Variants in PINX1 observed in about 807,000 individuals in gnomAD.
PINX1 encodes PIN2 (TERF1) interacting telomerase inhibitor 1, also known as PIN2/TERF1-interacting telomerase inhibitor 1.
PINX1 carries 34 observed loss-of-function variants against 25.4 expected under a neutral mutation model. That is an observed-to-expected ratio of 1.34 (90% CI 1.02 to 1.78). The LOEUF is 1.78. Ranked by LOEUF, PINX1 falls within the 40% of genes most tolerant of loss-of-function variation. The probability of loss-of-function intolerance (pLI) is 0.00; values close to 1 mark genes in which losing one functional copy is unlikely to be tolerated. For missense variants in PINX1, 592 were observed against 404.9 expected (o/e 1.46, Z -3.97); for synonymous variants, 197 against 147.7 (o/e 1.33, Z -2.42).
intron 4 of PINX1, among the ~76,000 whole-genome samples, chr8:10,828,677 G>C (rs1586206043): frequency 6.6e-6 from 1 of 152,176 alleles, no homozygotes; most frequent in African/African-American, 2.4e-5. Context: ...GCCAGGCCTT[G>C]AGGAATCACT....
At chr8:10,787,960 G>A (rs112974475) in intron 6 of PINX1, 1 of 366,074 alleles carries the variant, frequency 2.7e-6, no homozygotes. Flanking sequence ...TTAGACAACT[G>A]GGGAAACTTG....
intron 6 of PINX1, among the ~76,000 whole-genome samples, chr8:10,775,005 A>G (rs1433563253): frequency 1.3e-5 from 2 of 152,194 alleles, no homozygotes; most frequent in East Asian, 1.9e-4. Flanking sequence ...TATTTTTAGC[A>G]TAGACAAAAA....
At chr8:10,792,466 C>T (rs1031616826) in intron 6 of PINX1, among the ~76,000 whole-genome samples, 15 of 152,096 alleles carry the variant, frequency 9.9e-5, no homozygotes, top group Admixed American at 5.2e-4. Context: ...TCCCCCGTGA[C>T]GCTGTGCGCT....
intron 6 of PINX1, among the ~76,000 whole-genome samples, chr8:10,776,055 A>T (rs1437026719): frequency 6.6e-6 from 1 of 152,178 alleles, no homozygotes; most frequent in African/African-American, 2.4e-5. Context: ...AAGGTCCATC[A>T]CAATTCTAGC....
chr8:10,818,335 A>T (rs1288891044), intron 6 of PINX1, among the ~76,000 whole-genome samples: 1 of 152,222 alleles, frequency 6.6e-6, no homozygotes, highest in African/African-American at 2.4e-5. Flanking sequence ...TCTCACTTTA[A>T]CATGACTTAG....
chr8:10,830,361 G>C (rs912941890), intron 4 of PINX1, among the ~76,000 whole-genome samples: 1 of 152,146 alleles, frequency 6.6e-6, no homozygotes, highest in South Asian at 2.1e-4. Context: ...CCTTCCTATG[G>C]TTAGATGTGT....
chr8:10,809,283 A>C (rs1020447865), intron 6 of PINX1, among the ~76,000 whole-genome samples: 5 of 152,236 alleles, frequency 3.3e-5, no homozygotes. Context: ...TCTACCAATA[A>C]AGAGAAAGAA....
Position 10,813,235 on chromosome 8 carries a change from G to A in PINX1, c.471+6958C>T, listed in dbSNP as rs184586582. ...GGTGTCCAGATGTGGAGTGGGGGGA[G>A]GGTAGAGCGATAGGTGCAGGAAGGG... On this transcript the variant is annotated intron_variant, in intron 6 of 6. Coordinates refer to ENST00000314787, the MANE Select transcript of PINX1 (RefSeq NM_017884.6). Among the ~76,000 whole-genome samples the A allele has an allele frequency of 2.0e-3, 309 of 152,270 alleles. 1 individual carries two copies. The highest frequency in any genetic ancestry group is 7.3e-3 in the African/African-American group (302 of 41,540).
chr8:10,771,706 C>T (rs1399178331), intron 6 of PINX1, among the ~76,000 whole-genome samples: 9 of 152,162 alleles, frequency 5.9e-5, no homozygotes, highest in South Asian at 2.1e-4. Context: ...TTTGTCAGTA[C>T]GAACTTGTCT....
At chr8:10,773,187 G>T (rs1401200344) in intron 6 of PINX1, among the ~76,000 whole-genome samples, 1 of 152,104 alleles carries the variant, frequency 6.6e-6, no homozygotes, top group African/African-American at 2.4e-5. Flanking sequence ...GGAAGTGGCA[G>T]GTGCTTTTCC....
chr8:10,765,302 G>A lies in PINX1; in HGVS notation c.*99C>T, dbSNP rs12750. ...TGGGCATGCCACAAGATGCGCCCAG[G>A]CGCTCTGGGGTGAACTCTGCTGTGA... On this transcript the variant is annotated 3_prime_UTR_variant, in exon 7 of 7. Transcript: ENST00000314787. The A allele has an allele frequency of 0.2, 234,081 of 1,173,200 alleles. 25,742 individuals are homozygous for A. The highest frequency in any genetic ancestry group is 0.22 in the Non-Finnish European group (192,630 of 859,146). 72.7% of individuals were successfully genotyped at this position (1,173,200 alleles called of 1,614,324 possible).
At chr8:10,768,556 G>C (rs1418668646) in intron 6 of PINX1, among the ~76,000 whole-genome samples, 1 of 152,216 alleles carries the variant, frequency 6.6e-6, no homozygotes, top group East Asian at 1.9e-4. Flanking sequence ...AGACAGGCTA[G>C]AGAGGGGCCA....
chr8:10,793,394 G>A (rs977844638), intron 6 of PINX1, among the ~76,000 whole-genome samples: 5 of 152,218 alleles, frequency 3.3e-5, no homozygotes, highest in African/African-American at 9.6e-5. Context: ...GCTGGAAGAA[G>A]AAGAATTGTC....
At chr8:10,824,052 C>A (rs966783386) in intron 5 of PINX1, among the ~76,000 whole-genome samples, 4 of 152,128 alleles carry the variant, frequency 2.6e-5, no homozygotes, top group Non-Finnish European at 5.9e-5. Context: ...AGCATACCCA[C>A]TGGCGAAAAT....
intron 6 of PINX1, among the ~76,000 whole-genome samples, chr8:10,805,081 A>G (rs1802397076): frequency 1.3e-5 from 2 of 152,310 alleles, no homozygotes; most frequent in Middle Eastern, 3.4e-3. Flanking sequence ...TAGGACAATT[A>G]TTATTACTAA....
intron 3 of PINX1, among the ~76,000 whole-genome samples, 183 bp downstream of exon 3, chr8:10,832,709 G>A (rs376745132): frequency 2.6e-5 from 4 of 152,300 alleles, no homozygotes; most frequent in Middle Eastern, 3.4e-3. Context: ...AATAAAAAGC[G>A]CGGTAGGCCA....
At chr8:10,820,937 T>C (rs1192287605) in intron 5 of PINX1, among the ~76,000 whole-genome samples, 2 of 152,220 alleles carry the variant, frequency 1.3e-5, no homozygotes, top group Non-Finnish European at 2.9e-5. Context: ...GGCTCTATGG[T>C]TCTTATTTAA....
intron 6 of PINX1, among the ~76,000 whole-genome samples, chr8:10,777,961 C>A (rs1801447224): frequency 6.6e-6 from 1 of 152,190 alleles, no homozygotes; most frequent in African/African-American, 2.4e-5. Context: ...GACACACTTG[C>A]TCACACGGGA....
intron 6 of PINX1, among the ~76,000 whole-genome samples, chr8:10,798,563 G>A (rs193242690): frequency 1.3e-5 from 2 of 152,248 alleles, no homozygotes; most frequent in East Asian, 3.9e-4. Context: ...AGGACTCCTG[G>A]GGAAAAAAAG....
Sources: allele counts gnomAD v4.1 joint callset (sites outside exome capture counted in the v4.1 genomes callset), GRCh38; gene constraint gnomAD v4.1.1; transcripts MANE v1.5; gene names NCBI Gene and HGNC (gene_info 2026-07-23, HGNC 2026-07-21).